The following STPG2 variants were observed in gnomAD, a reference collection of about 807,000 sequenced individuals.
The protein encoded by STPG2 is sperm-tail PG-rich repeat-containing protein 2.
A neutral mutation model predicts 54.2 loss-of-function variants in STPG2; 56 were observed. The observed-to-expected ratio is 1.03, with a 90% CI of 0.83 to 1.29. STPG2 has a LOEUF of 1.29. Among genes scored for constraint, STPG2 ranks in the 50% most tolerant of loss-of-function variants. STPG2 has a pLI of 0.00. For synonymous variants in STPG2, 200 were observed against 181.8 expected (o/e 1.10, Z -0.81); for missense variants, 596 against 544.9 (o/e 1.09, Z -0.93).
intron 8 of STPG2, chr4:97,892,991 A>T (rs959405917): frequency 6.6e-6 from 1 of 152,154 alleles, no homozygotes; most frequent in Non-Finnish European, 1.5e-5. Flanking sequence ...CAGAGAATTA[A>T]ATTAAAAAGA....
intron 4 of STPG2, among the ~76,000 whole-genome samples, chr4:97,490,972 A>C (rs1014887975): frequency 6.6e-6 from 1 of 151,594 alleles, no homozygotes; most frequent in Non-Finnish European, 1.5e-5. Context: ...CAGCAAATGC[A>C]TTATTTTATT....
chr4:98,143,367 G>A lies in STPG2; in HGVS notation c.-217C>T. The A allele has an allele frequency of 3.7e-6, 2 of 535,626 alleles. No individual in the cohort carries two copies. Among genetic ancestry groups the A allele is most frequent in the South Asian group, 4.5e-5 (2 of 44,200 alleles). 33.2% of individuals were successfully genotyped at this position (535,626 alleles called of 1,614,324 possible). On this transcript the variant is annotated 5_prime_UTR_variant, in exon 1 of 11. Coordinates refer to ENST00000295268, the MANE Select transcript of STPG2 (RefSeq NM_174952.3). ...ATTTCTAGCTCTGTGGTAAAGTAGA[G>A]GGGTGAGCGACTAGAGATTAGACGT...
chr4:97,669,659 G>A lies in STPG2; in HGVS notation c.1320+43040C>T, dbSNP rs1722638681. On this transcript the variant is annotated intron_variant, in intron 10 of 10. Coordinates refer to ENST00000295268, the MANE Select transcript of STPG2 (RefSeq NM_174952.3). ...AAAATACAAAAAATTAGCCGGGCGC[G>A]GTGGCGGGCGCCTGTAGTCCCAGCT... Among the ~76,000 whole-genome samples the A allele has an allele frequency of 2.4e-5, 2 of 84,966 alleles. 1 individual carries two copies. Among genetic ancestry groups the A allele is most frequent in the Non-Finnish European group, 4.5e-5 (2 of 44,316 alleles). The allele number at this position is 84,966 out of a possible 152,430, so 55.7% of individuals were successfully genotyped here.
intron 8 of STPG2, among the ~76,000 whole-genome samples, chr4:97,905,717 C>G (rs34613258): frequency 6.6e-6 from 1 of 151,754 alleles, no homozygotes; most frequent in Non-Finnish European, 1.5e-5. Flanking sequence ...ACCCATCTCA[C>G]GTGCAGAGAC....
At chr4:97,502,190 G>GA (rs1176159109) in intron 4 of STPG2, among the ~76,000 whole-genome samples, 1 of 151,824 alleles carries the variant, frequency 6.6e-6, no homozygotes, top group Non-Finnish European at 1.5e-5. Context: ...CTGAGGATCT[G>GA]AATATGAAGA....
At chr4:97,732,576 C>A (rs1724836282) in intron 9 of STPG2, among the ~76,000 whole-genome samples, 1 of 151,972 alleles carries the variant, frequency 6.6e-6, no homozygotes, top group Non-Finnish European at 1.5e-5. Context: ...ATAAGCAGGA[C>A]CTCGTTAAAA....
chr4:97,725,905 G>A (rs1038437274), intron 9 of STPG2, among the ~76,000 whole-genome samples: 2 of 151,636 alleles, frequency 1.3e-5, no homozygotes, highest in Admixed American at 1.3e-4. Context: ...AAAAAAGGAA[G>A]GTCTTAAGTC....
intron 10 of STPG2, among the ~76,000 whole-genome samples, chr4:97,680,059 G>A (rs1396272609): frequency 1.3e-5 from 2 of 152,186 alleles, no homozygotes; most frequent in African/African-American, 4.8e-5. Flanking sequence ...ATCAGGTAGT[G>A]TGATGCCTCC....
At position 97,942,756 on chromosome 4, in the gene STPG2, G is replaced by C. The variant is rs998526723; in HGVS notation, c.1044+1141C>G. On this transcript the variant is annotated intron_variant, in intron 8 of 10. Transcript: ENST00000295268. Reference sequence around the variant, plus strand: ...TCAAAAATATTACAAATCAACTGTTGGCATTATCTCACGTAGCAGAATTTT... The same window carrying C: ...TCAAAAATATTACAAATCAACTGTTCGCATTATCTCACGTAGCAGAATTTT... 4.6e-5 allele frequency among the ~76,000 whole-genome samples: 7 copies of C among 152,074 alleles called. 1 individual carries two copies. Among genetic ancestry groups the C allele is most frequent in the African/African-American group, 1.7e-4 (7 of 41,490 alleles).
chr4:97,596,006 G>A (rs564659194), intron 10 of STPG2, among the ~76,000 whole-genome samples: 69 of 152,150 alleles, frequency 4.5e-4, no homozygotes, highest in Admixed American at 1.3e-3. Context: ...CCAACAATAC[G>A]CTTTCTTCAA....
intron 3 of STPG2, among the ~76,000 whole-genome samples, chr4:98,126,329 G>A (rs538831620): frequency 3.9e-5 from 6 of 152,350 alleles, no homozygotes; most frequent in Non-Finnish European, 8.8e-5. Flanking sequence ...GCCAACCTGA[G>A]TGGCCCCCGT....
At chr4:97,703,328 G>T (rs1723835193) in intron 10 of STPG2, among the ~76,000 whole-genome samples, 1 of 149,736 alleles carries the variant, frequency 6.7e-6, no homozygotes, top group Non-Finnish European at 1.5e-5. Flanking sequence ...TGTTCTTCTA[G>T]AACCACTTGT....
At chr4:97,789,334 TGAA>T (rs1275200425) in intron 9 of STPG2, among the ~76,000 whole-genome samples, 2 of 152,036 alleles carry the variant, frequency 1.3e-5, no homozygotes, top group African/African-American at 4.8e-5. Context: ...AAAAATATAA[TGAA>T]GGAGAAATTA....
intron 7 of STPG2, among the ~76,000 whole-genome samples, chr4:97,949,052 C>A (rs1053400204): frequency 1.3e-5 from 2 of 152,070 alleles, no homozygotes; most frequent in African/African-American, 4.8e-5. Flanking sequence ...TATCTCCTCT[C>A]TTAAGTCAAG....
chr4:98,013,111 T>C (rs781240875), intron 5 of STPG2, among the ~76,000 whole-genome samples: 4 of 152,222 alleles, frequency 2.6e-5, no homozygotes, highest in Non-Finnish European at 4.4e-5. Flanking sequence ...TCTTATCATT[T>C]TGAGATATGT....
intron 10 of STPG2, among the ~76,000 whole-genome samples, chr4:97,699,505 T>TCCAAGTTTG (rs1723696201): frequency 4.6e-5 from 7 of 152,192 alleles, no homozygotes; most frequent in Non-Finnish European, 1.5e-5. Flanking sequence ...TTCTTCCAAG[T>TCCAAGTTTG]CCCTGACCAT....
At chr4:97,889,368 C>T (rs1190017395) in intron 8 of STPG2, among the ~76,000 whole-genome samples, 1 of 152,076 alleles carries the variant, frequency 6.6e-6, no homozygotes, top group African/African-American at 2.4e-5. Context: ...AACTATATTC[C>T]CATGTTTATT....
chr4:97,884,031 T>A (rs1051271703), intron 8 of STPG2, among the ~76,000 whole-genome samples: 2 of 152,088 alleles, frequency 1.3e-5, no homozygotes, highest in South Asian at 4.1e-4. Flanking sequence ...CTCTGCACAC[T>A]CATGGGCAAC....
intron 4 of STPG2, among the ~76,000 whole-genome samples, chr4:97,511,437 T>C (rs529043346): frequency 6.6e-6 from 1 of 152,158 alleles, no homozygotes; most frequent in Non-Finnish European, 1.5e-5. Context: ...TTGTAACTTA[T>C]AATAAGTTCC....
Sources: allele counts gnomAD v4.1 joint callset (sites outside exome capture counted in the v4.1 genomes callset), GRCh38; gene constraint gnomAD v4.1.1; transcripts MANE v1.5; gene names NCBI Gene and HGNC (gene_info 2026-07-23, HGNC 2026-07-21).